Variants in KRTAP5-11 observed in about 807,000 individuals in gnomAD.
The protein encoded by KRTAP5-11 is keratin associated protein 5-11, also known as keratin-associated protein 5-11.
For missense variants in KRTAP5-11, 202 were observed against 188.7 expected (o/e 1.07, Z -0.41); for synonymous variants, 88 against 73.0 (o/e 1.21, Z -1.05).
Position 71,582,179 on chromosome 11 carries a change from T to A in KRTAP5-11, c.*188A>T. 2 of 1,265,826 alleles carry A rather than the reference T, an allele frequency of 1.6e-6. No individual in the cohort carries two copies. Among genetic ancestry groups the A allele is most frequent in the Non-Finnish European group, 2.2e-6 (2 of 917,944 alleles). The allele number at this position is 1,265,826 out of a possible 1,614,324, so 78.4% of individuals were successfully genotyped here. On this transcript the variant is annotated 3_prime_UTR_variant, in exon 1 of 1. Transcript: ENST00000398530. The stretch of plus-strand genomic sequence containing the variant: ...CCTCCTGCATCAAGGAAACACATGT[T>A]TCCGGAGTGAGGAAGCTGAAGGCAG...
In KRTAP5-11 at chr11:71,582,356, G is replaced by A; in HGVS notation, c.*11C>T. ...CAAAGAGGAGAAACCTGAAGGTCTGGGTCCAGAGCCTCAGATCTTACACTG... is the reference window on the plus strand; with the variant it reads ...CAAAGAGGAGAAACCTGAAGGTCTGAGTCCAGAGCCTCAGATCTTACACTG... On this transcript the variant is annotated 3_prime_UTR_variant, in exon 1 of 1. Coordinates refer to ENST00000398530, the MANE Select transcript of KRTAP5-11 (RefSeq NM_001005405.3). The A allele has an allele frequency of 6.2e-7, 1 of 1,614,180 alleles. No homozygotes were observed. Among genetic ancestry groups the A allele is most frequent in the African/African-American group, 1.3e-5 (1 of 75,048 alleles).
rs757388238 is a variant in KRTAP5-11, at chr11:71,582,616, C to T, written c.222G>A (p.Lys74=). 6.2e-7 allele frequency: 1 copy of T among 1,614,096 alleles called. No individual in the cohort carries two copies. The highest frequency in any genetic ancestry group is 8.5e-7 in the Non-Finnish European group (1 of 1,179,992). The stretch of plus-strand genomic sequence containing the variant: ...AGCAGCCACAAGAACCACACCCACC[C>T]TTGGAGCTCCCACAAGAGCCACAGC... ...KGGCGSCGSS[K]GGCGSCGCSQ... is the part of the protein sequence containing the mutation. Residue 74 remains lysine (K), a synonymous_variant, in exon 1 of 1, where the codon AAG becomes AAA. Transcript: ENST00000398530.
rs776926341 is a variant in KRTAP5-11, at chr11:71,582,865, G to T, written c.-28C>A. 1.9e-6 allele frequency: 3 copies of T among 1,613,892 alleles called. No homozygotes were observed. The South Asian group carries it at 3.3e-5, about 18-fold the overall frequency. ...TTCTGGCGGATTGAGAGTAGAGCAGGTAGAGGAGCAGGTGAGAGGGAGGTG... is the reference window on the plus strand; with the variant it reads ...TTCTGGCGGATTGAGAGTAGAGCAGTTAGAGGAGCAGGTGAGAGGGAGGTG... On this transcript the variant is annotated 5_prime_UTR_variant, in exon 1 of 1. Coordinates refer to ENST00000398530, the MANE Select transcript of KRTAP5-11 (RefSeq NM_001005405.3).
Position 71,582,777 on chromosome 11 carries a change from T to C in KRTAP5-11, c.61A>G (p.Ser21Gly), listed in dbSNP as rs375942927. The change falls in exon 1 of 1, where the codon AGT (serine) becomes GGT (glycine). Residue 21 changes from serine to glycine, a missense_variant. By Grantham distance (56) the Ser-to-Gly change is moderately conservative. Coordinates refer to ENST00000398530, the MANE Select transcript of KRTAP5-11 (RefSeq NM_001005405.3). The part of the protein sequence containing the change: ...GSGCGGCGSG[S>G]GGCGSGCGGC... ...CCACAGCCAGAGCCACAGCCCCCAC[T>C]GCCGGAGCCACAGCCCCCACAGCCA... 1 of 1,527,766 alleles carries C rather than the reference T, an allele frequency of 6.5e-7. No individual in the cohort carries two copies. Among genetic ancestry groups the C allele is most frequent in the Admixed American group, 1.8e-5 (1 of 56,620 alleles). The allele number at this position is 1,527,766 out of a possible 1,614,324, so 94.6% of individuals were successfully genotyped here.
chr11:71,582,279 GGAT>G lies in KRTAP5-11; in HGVS notation c.*85_*87del, dbSNP rs1950273296. On this transcript the variant is annotated 3_prime_UTR_variant, in exon 1 of 1. Coordinates refer to ENST00000398530, the MANE Select transcript of KRTAP5-11 (RefSeq NM_001005405.3). ...AGCTAGAGCAGGTGCAGGTGCCTCA[GGAT>G]GATGTGTGGGATGAACTGATTCAGA... 1 of 1,597,522 alleles carries G rather than the reference GGAT, an allele frequency of 6.3e-7. No individual in the cohort carries two copies. The highest frequency in any genetic ancestry group is 1.7e-5 in the Admixed American group (1 of 59,388).
In KRTAP5-11 at chr11:71,582,200, G is replaced by C; in HGVS notation, c.*167C>G. On this transcript the variant is annotated 3_prime_UTR_variant, in exon 1 of 1. Transcript: ENST00000398530. Reference sequence around the variant, plus strand: ...ATGTTTCCGGAGTGAGGAAGCTGAAGGCAGGGCCTAGAGGAGAGCCGAGCC... The same window carrying C: ...ATGTTTCCGGAGTGAGGAAGCTGAACGCAGGGCCTAGAGGAGAGCCGAGCC... 2.1e-6 allele frequency: 3 copies of C among 1,423,918 alleles called. No individual in the cohort carries two copies. The South Asian group carries it at 4.2e-5, about 20-fold the overall frequency. 88.2% of individuals were successfully genotyped at this position (1,423,918 alleles called of 1,614,324 possible). A position where few individuals can be genotyped will look rare whatever the true frequency, so the allele number is the denominator to read the frequency against.
rs752992078 is a variant in KRTAP5-11 at position 71,582,753 on chromosome 11, C to A, written c.85G>T (p.Gly29Trp). 1 of 1,529,796 alleles carries A rather than the reference C, an allele frequency of 6.5e-7. No homozygotes were observed. Among genetic ancestry groups the A allele is most frequent in the South Asian group, 1.1e-5 (1 of 89,922 alleles). 94.8% of individuals were successfully genotyped at this position (1,529,796 alleles called of 1,614,324 possible). ...SGSGGCGSGC[G>W]GCGSSCCVPI... ...ACACAGCAGCTGGAGCCACAGCCCC[C>A]ACAGCCAGAGCCACAGCCCCCACTG... Residue 29 changes from glycine to tryptophan, a missense_variant, in exon 1 of 1, where the codon GGG becomes TGG. By Grantham distance (184) the Gly-to-Trp change is radical. Coordinates refer to ENST00000398530, the MANE Select transcript of KRTAP5-11 (RefSeq NM_001005405.3).
rs760868158 is a variant in KRTAP5-11 at position 71,582,790 on chromosome 11, G to T, written c.48C>A (p.Gly16=). The T allele has an allele frequency of 3.7e-6, 6 of 1,610,456 alleles. No homozygotes were observed. In the East Asian group the frequency reaches 1.3e-4, roughly 36 times the overall value. ...CSGGCGSGCG[G]CGSGSGGCGS... ...CACAGCCCCCACTGCCGGAGCCACA[G>T]CCCCCACAGCCAGAGCCACAGCCTC... Residue 16 remains glycine, a synonymous_variant, in exon 1 of 1, where the codon GGC becomes GGA. Coordinates refer to ENST00000398530, the MANE Select transcript of KRTAP5-11 (RefSeq NM_001005405.3).
Position 71,582,582 on chromosome 11 carries a change from T to A in KRTAP5-11, c.256A>T (p.Asn86Tyr). Residue 86 changes from asparagine to tyrosine, a missense_variant, in exon 1 of 1, where the codon AAC becomes TAC. Asn to Tyr is a moderately radical substitution (Grantham distance 143). Transcript: ENST00000398530. ...GAGGAGCAGCAGGGCTTACAGCAGT[T>A]GGACTGGGAGCAGCCACAAGAACCA... Reference protein sequence around the residue: ...GCGSCGCSQSNCCKPCCSSSG... With the variant: ...GCGSCGCSQSYCCKPCCSSSG... The A allele has an allele frequency of 6.2e-7, 1 of 1,613,944 alleles. No individual in the cohort carries two copies. The highest frequency in any genetic ancestry group is 2.2e-5 in the East Asian group (1 of 44,870).
Position 71,582,641 on chromosome 11 carries a change from C to G in KRTAP5-11, c.197G>C (p.Gly66Ala). Residue 66 changes from glycine (G) to alanine (A), a missense_variant, in exon 1 of 1, where the codon GGC becomes GCC. Physicochemically the swap from Gly to Ala is moderately conservative, Grantham distance 60. Transcript: ENST00000398530. ...CTTGGAGCTCCCACAAGAGCCACAG[C>G]CCCCTTTGGAGCCCCCACAGGAGCC... is the stretch of plus-strand genomic sequence containing the variant. ...SCGSCGGSKG[G>A]CGSCGSSKGG... 6.2e-7 allele frequency: 1 copy of G among 1,614,056 alleles called. No homozygotes were observed. Among genetic ancestry groups the G allele is most frequent in the Non-Finnish European group, 8.5e-7 (1 of 1,180,038 alleles).
Position 71,582,412 on chromosome 11 carries a change from G to A in KRTAP5-11, c.426C>T (p.Cys142=), listed in dbSNP as rs1591165837. The change falls in exon 1 of 1, where the codon TGC becomes TGT. Residue 142 remains cysteine (C), a synonymous_variant. Coordinates refer to ENST00000398530, the MANE Select transcript of KRTAP5-11 (RefSeq NM_001005405.3). ...ACACGGGGACACAGCAGCTGGACTG[G>A]CAGCAGCAGGGCTTGAAGCAGCTAG... The part of the protein sequence containing the change: ...CQSSCFKPCC[C]QSSCCVPVCC... 1 of 1,614,144 alleles carries A rather than the reference G, an allele frequency of 6.2e-7. No homozygotes were observed. Among genetic ancestry groups the A allele is most frequent in the Non-Finnish European group, 8.5e-7 (1 of 1,180,000 alleles).
At position 71,582,173 on chromosome 11, in the gene KRTAP5-11, A is replaced by T; in HGVS notation, c.*194T>A. On this transcript the variant is annotated 3_prime_UTR_variant, in exon 1 of 1. Transcript: ENST00000398530. ...AGAACACCTCCTGCATCAAGGAAACACATGTTTCCGGAGTGAGGAAGCTGA... is the reference window on the plus strand; with the variant it reads ...AGAACACCTCCTGCATCAAGGAAACTCATGTTTCCGGAGTGAGGAAGCTGA... The T allele has an allele frequency of 8.2e-7, 1 of 1,216,400 alleles. No individual in the cohort carries two copies. Among genetic ancestry groups the T allele is most frequent in the South Asian group, 1.6e-5 (1 of 64,412 alleles). 75.4% of individuals were successfully genotyped at this position (1,216,400 alleles called of 1,614,324 possible).
chr11:71,582,411 G>A lies in KRTAP5-11; in HGVS notation c.427C>T (p.Gln143Ter), dbSNP rs557524688. ...QSSCFKPCCC[Q>*]SSCCVPVCCQ... Reference sequence around the variant, plus strand: ...CACACGGGGACACAGCAGCTGGACTGGCAGCAGCAGGGCTTGAAGCAGCTA... The same window carrying A: ...CACACGGGGACACAGCAGCTGGACTAGCAGCAGCAGGGCTTGAAGCAGCTA... The change falls in exon 1 of 1, where the codon CAG becomes TAG. Residue 143 changes from glutamine to a stop codon, truncating the protein, a stop_gained. Coordinates refer to ENST00000398530, the MANE Select transcript of KRTAP5-11 (RefSeq NM_001005405.3). LOFTEE classifies it high-confidence loss of function. 3 of 1,614,164 alleles carry A rather than the reference G, an allele frequency of 1.9e-6. No homozygotes were observed. The South Asian group carries it at 3.3e-5, about 18-fold the overall frequency.
rs748588844 is a variant in KRTAP5-11, at chr11:71,582,644, C to A, written c.194G>T (p.Gly65Val). ...GGAGCTCCCACAAGAGCCACAGCCC[C>A]CTTTGGAGCCCCCACAGGAGCCACA... is the stretch of plus-strand genomic sequence containing the variant. ...SSCGSCGGSK[G>V]GCGSCGSSKG... The change falls in exon 1 of 1, where the codon GGG becomes GTG. Residue 65 changes from glycine (G) to valine (V), a missense_variant. Physicochemically the swap from Gly to Val is moderately radical, Grantham distance 109 (BLOSUM62 -3). Coordinates refer to ENST00000398530, the MANE Select transcript of KRTAP5-11 (RefSeq NM_001005405.3). 1.2e-5 allele frequency: 19 copies of A among 1,613,928 alleles called. No individual in the cohort carries two copies. Among genetic ancestry groups the A allele is most frequent in the Non-Finnish European group, 1.6e-5 (19 of 1,180,036 alleles).
At position 71,582,413 on chromosome 11, in the gene KRTAP5-11, C is replaced by T. The variant is rs750328962; in HGVS notation, c.425G>A (p.Cys142Tyr). The T allele has an allele frequency of 5.6e-6, 9 of 1,614,188 alleles. No homozygotes were observed. In the South Asian group the frequency reaches 9.9e-5, roughly 18 times the overall value. The change falls in exon 1 of 1, where the codon TGC (cysteine) becomes TAC (tyrosine). Residue 142 changes from cysteine (C) to tyrosine (Y), a missense_variant. Cys to Tyr is a radical substitution (Grantham distance 194). Coordinates refer to ENST00000398530, the MANE Select transcript of KRTAP5-11 (RefSeq NM_001005405.3). ...CACGGGGACACAGCAGCTGGACTGGCAGCAGCAGGGCTTGAAGCAGCTAGA... is the reference window on the plus strand; with the variant it reads ...CACGGGGACACAGCAGCTGGACTGGTAGCAGCAGGGCTTGAAGCAGCTAGA... ...CQSSCFKPCC[C>Y]QSSCCVPVCC...
chr11:71,582,139 G>A lies in KRTAP5-11; in HGVS notation c.*228C>T, dbSNP rs182132210. On this transcript the variant is annotated 3_prime_UTR_variant, in exon 1 of 1. Coordinates refer to ENST00000398530, the MANE Select transcript of KRTAP5-11 (RefSeq NM_001005405.3). Reference sequence around the variant, plus strand: ...ACCCAAGTGCAGGGAACACCATGGCGTCCAGGGAAGAACACCTCCTGCATC... The same window carrying A: ...ACCCAAGTGCAGGGAACACCATGGCATCCAGGGAAGAACACCTCCTGCATC... 81 of 902,564 alleles carry A rather than the reference G, an allele frequency of 9.0e-5. No homozygotes were observed. Among genetic ancestry groups the A allele is most frequent in the South Asian group, 4.9e-4 (27 of 55,440 alleles). The allele number at this position is 902,564 out of a possible 1,614,324, so 55.9% of individuals were successfully genotyped here.
rs1319930152 is a variant in KRTAP5-11 at position 71,582,862 on chromosome 11, C to T, written c.-25G>A. 4.3e-6 allele frequency: 7 copies of T among 1,613,902 alleles called. No individual in the cohort carries two copies. The South Asian group carries it at 4.4e-5, about 10-fold the overall frequency. On this transcript the variant is annotated 5_prime_UTR_variant, in exon 1 of 1. Coordinates refer to ENST00000398530, the MANE Select transcript of KRTAP5-11 (RefSeq NM_001005405.3). ...TGATTCTGGCGGATTGAGAGTAGAGCAGGTAGAGGAGCAGGTGAGAGGGAG... is the reference window on the plus strand; with the variant it reads ...TGATTCTGGCGGATTGAGAGTAGAGTAGGTAGAGGAGCAGGTGAGAGGGAG...
chr11:71,582,339 A>G lies in KRTAP5-11; in HGVS notation c.*28T>C, dbSNP rs1950273561. 3 of 1,614,022 alleles carry G rather than the reference A, an allele frequency of 1.9e-6. No individual in the cohort carries two copies. The highest frequency in any genetic ancestry group is 2.5e-6 in the Non-Finnish European group (3 of 1,179,862). The stretch of plus-strand genomic sequence containing the variant: ...ATAAGAAATGCTTTCACCAAAGAGG[A>G]GAAACCTGAAGGTCTGGGTCCAGAG... On this transcript the variant is annotated 3_prime_UTR_variant, in exon 1 of 1. Coordinates refer to ENST00000398530, the MANE Select transcript of KRTAP5-11 (RefSeq NM_001005405.3).
chr11:71,582,071 C>T lies in KRTAP5-11; in HGVS notation c.*296G>A, dbSNP rs1027023238. The T allele has an allele frequency of 2.9e-5, 16 of 553,664 alleles. No homozygotes were observed. Among genetic ancestry groups the T allele is most frequent in the Non-Finnish European group, 4.5e-5 (14 of 310,956 alleles). 34.3% of individuals were successfully genotyped at this position (553,664 alleles called of 1,614,324 possible). A position where few individuals can be genotyped will look rare whatever the true frequency, so the allele number is the denominator to read the frequency against. On this transcript the variant is annotated 3_prime_UTR_variant, in exon 1 of 1. Coordinates refer to ENST00000398530, the MANE Select transcript of KRTAP5-11 (RefSeq NM_001005405.3). ...TCGGCCTGGCCTTGTGGGGTCAGACCTAGCATCTCAGTCAGCCCAGGGAGA... is the reference window on the plus strand; with the variant it reads ...TCGGCCTGGCCTTGTGGGGTCAGACTTAGCATCTCAGTCAGCCCAGGGAGA...
Sources: gnomAD v4.1 joint callset for allele counts on GRCh38, gnomAD v4.1.1 for gene constraint, MANE v1.5 for transcripts, NCBI Gene and HGNC (gene_info 2026-07-23, HGNC 2026-07-21) for gene names.